SPANXN3: variants seen among roughly 807,000 people sequenced by gnomAD.
The protein encoded by SPANXN3 is SPANX family member N3.
In SPANXN3, 1 loss-of-function variant was observed where a neutral mutation model predicts 1.9. That is an observed-to-expected ratio of 0.54 (90% CI 0.19 to 2.54). The LOEUF (loss-of-function observed/expected upper bound fraction) is 2.54. Ranked by LOEUF, SPANXN3 falls within the 30% of genes most tolerant of loss-of-function variation. The probability of loss-of-function intolerance (pLI) is 0.24; values close to 1 mark genes in which losing one functional copy is unlikely to be tolerated. For missense variants in SPANXN3, 113 were observed against 96.2 expected (o/e 1.17, Z -0.73); for synonymous variants, 47 against 40.0 (o/e 1.17, Z -0.66).
chrX:143,517,361 C>T lies in SPANXN3; in HGVS notation c.31G>A (p.Glu11Lys), dbSNP rs142678625. The T allele has an allele frequency of 2.6e-4, 314 of 1,209,662 alleles. No homozygotes were observed. The highest frequency in any genetic ancestry group is 3.4e-4 in the Non-Finnish European group (307 of 895,069). Residue 11 changes from glutamate to lysine, a missense_variant, in exon 1 of 2, where the codon GAG (glutamate) becomes AAG (lysine). Physicochemically the swap from Glu to Lys is moderately conservative, Grantham distance 56. Transcript: ENST00000370503. MEQPTSSTNGEKTKSPCESNN... is the reference protein window; with the variant it reads MEQPTSSTNGKKTKSPCESNN... ...GATTCACAGGGGCTCTTCGTCTTCT[C>T]CCCATTGGTGCTGGAAGTTGGCTGT...
In SPANXN3 at chrX:143,509,271, T is replaced by C. The variant is rs782715860; in HGVS notation, c.79-109A>G. ...GAAGGAATGCAGGTGGAGGAAGGGG[T>C]GTGTGCCAGAGAAGAACAAGGTGAA... On this transcript the variant is annotated intron_variant, in intron 1 of 1. Coordinates refer to ENST00000370503, the MANE Select transcript of SPANXN3 (RefSeq NM_001009609.4). The C allele has an allele frequency of 1.3e-3, 806 of 621,225 alleles. 5 individuals are homozygous for C. The highest frequency in any genetic ancestry group is 1.0e-3 in the Non-Finnish European group (399 of 390,269). The allele number at this position is 621,225 out of a possible 1,213,427, so 51.2% of individuals were successfully genotyped here.
At chrX:143,513,589 A>G (rs1461501211) in intron 1 of SPANXN3, among the ~76,000 whole-genome samples, 2 of 111,490 alleles carry the variant, frequency 1.8e-5, no homozygotes, top group African/African-American at 3.3e-5. Flanking sequence ...TATAACAGGT[A>G]CATGCCTTAT....
chrX:143,511,006 A>G (rs1198884634), intron 1 of SPANXN3, among the ~76,000 whole-genome samples: 3 of 112,146 alleles, frequency 2.7e-5, no homozygotes, highest in Admixed American at 1.9e-4. Flanking sequence ...CAAGTTCCCT[A>G]GCTGACTTCT....
At chrX:143,510,854 A>C in intron 1 of SPANXN3, among the ~76,000 whole-genome samples, 2 of 103,210 alleles carry the variant, frequency 1.9e-5, no homozygotes, top group Admixed American at 1.0e-4. Flanking sequence ...CCTTACTGTC[A>C]CCCTCCATCC....
At position 143,511,953 on chromosome X, in the gene SPANXN3, C is replaced by T. The variant is rs782160541; in HGVS notation, c.79-2791G>A. 9.9e-5 allele frequency among the ~76,000 whole-genome samples: 11 copies of T among 111,457 alleles called. No individual in the cohort carries two copies. In the East Asian group the frequency reaches 1.4e-3, roughly 14 times the overall value. On this transcript the variant is annotated intron_variant, in intron 1 of 1. Transcript: ENST00000370503. ...TGTCTTTCCTATTGGATACTCAATA[C>T]GACAACTAGTTACTCGGTTTTACCA...
chrX:143,510,844 C>G (rs1368086660), intron 1 of SPANXN3, among the ~76,000 whole-genome samples: 2 of 109,860 alleles, frequency 1.8e-5, no homozygotes, highest in East Asian at 2.9e-4. Flanking sequence ...TCCTCCACCC[C>G]CTTACTGTCA....
Position 143,517,396 on chromosome X carries a change from C to T in SPANXN3, c.-5G>A, listed in dbSNP as rs1182743145. On this transcript the variant is annotated 5_prime_UTR_variant, in exon 1 of 2. Transcript: ENST00000370503. ...GCTGGAAGTTGGCTGTTCCATGATTCTGGTTGGTTGTAGAATGTCTATAGT... is the reference window on the plus strand; with the variant it reads ...GCTGGAAGTTGGCTGTTCCATGATTTTGGTTGGTTGTAGAATGTCTATAGT... 2.5e-6 allele frequency: 3 copies of T among 1,209,140 alleles called. No homozygotes were observed. The African/African-American group carries it at 5.3e-5, about 21-fold the overall frequency.
intron 1 of SPANXN3, among the ~76,000 whole-genome samples, chrX:143,514,258 G>A (rs1371962422): frequency 8.1e-5 from 9 of 111,410 alleles, no homozygotes; most frequent in Admixed American, 7.6e-4. Flanking sequence ...CCACTTGCCC[G>A]GGCTGGTGCC....
rs1929031031 is a variant in SPANXN3, at chrX:143,509,131, G to A, written c.110C>T (p.Pro37Leu). ...TTTTGTGTTCTTCAAACTCTGTTCG[G>A]GGGCTAAGACTCTGTTTGGTACCTC... ...MQEVPNRVLA[P>L]EQSLKNTKTS... is the part of the protein sequence containing the mutation. The change falls in exon 2 of 2, where the codon CCC becomes CTC. Residue 37 changes from proline to leucine, a missense_variant. Coordinates refer to ENST00000370503, the MANE Select transcript of SPANXN3 (RefSeq NM_001009609.4). 4.1e-6 allele frequency: 5 copies of A among 1,210,137 alleles called. No homozygotes were observed. In the African/African-American group the frequency reaches 6.9e-5, roughly 17 times the overall value.
chrX:143,515,032 G>A (rs181212641), intron 1 of SPANXN3, among the ~76,000 whole-genome samples: 8 of 110,153 alleles, frequency 7.3e-5, no homozygotes, highest in Non-Finnish European at 1.1e-4. Flanking sequence ...CTTGGCCGGC[G>A]TTACACCTCA....
chrX:143,511,694 T>A (rs1177005222), intron 1 of SPANXN3, among the ~76,000 whole-genome samples: 1 of 111,837 alleles, frequency 8.9e-6, no homozygotes, highest in Non-Finnish European at 1.9e-5. Flanking sequence ...GAGCCTGTTA[T>A]AAGTGCATCC....
chrX:143,516,016 C>T (rs1929207988), intron 1 of SPANXN3, among the ~76,000 whole-genome samples: 1 of 111,306 alleles, frequency 9.0e-6, no homozygotes. Context: ...CAAGGGCGCT[C>T]GCTGGAAAAC....
intron 1 of SPANXN3, among the ~76,000 whole-genome samples, chrX:143,513,596 T>G (rs1162714033): frequency 9.0e-6 from 1 of 111,375 alleles, no homozygotes; most frequent in Non-Finnish European, 1.9e-5. Context: ...GGTACATGCC[T>G]TATTCCTAGG....
chrX:143,514,586 A>G (rs184587367), intron 1 of SPANXN3, among the ~76,000 whole-genome samples: 5 of 111,276 alleles, frequency 4.5e-5, no homozygotes, highest in African/African-American at 1.6e-4. Flanking sequence ...TGATTCCTAT[A>G]CCTTCTGACA....
chrX:143,513,066 C>T (rs782497061), intron 1 of SPANXN3, among the ~76,000 whole-genome samples: 11 of 109,972 alleles, frequency 1.0e-4, no homozygotes, highest in Non-Finnish European at 1.7e-4. Flanking sequence ...TAATTTGGGA[C>T]ATGCCCTTTC....
chrX:143,510,831 G>A lies in SPANXN3; in HGVS notation c.79-1669C>T, dbSNP rs189257645. On this transcript the variant is annotated intron_variant, in intron 1 of 1. Transcript: ENST00000370503. ...TCCCTCCACCTTCTCCTTCGGATCC[G>A]GCTCCTCCACCCCCTTACTGTCACC... is the stretch of plus-strand genomic sequence containing the variant. 1.0e-4 allele frequency among the ~76,000 whole-genome samples: 11 copies of A among 108,955 alleles called. No homozygotes were observed. In the East Asian group the frequency reaches 2.4e-3, roughly 24 times the overall value. 94.6% of individuals were successfully genotyped at this position (108,955 alleles called of 115,157 possible).
chrX:143,512,532 T>G (rs1929117430), intron 1 of SPANXN3, among the ~76,000 whole-genome samples: 1 of 111,470 alleles, frequency 9.0e-6, no homozygotes, highest in Non-Finnish European at 1.9e-5. Context: ...GATCTCCAAG[T>G]TGTTGACCAG....
chrX:143,517,256 C>A, intron 1 of SPANXN3, 58 bp downstream of exon 1: 1 of 1,168,915 alleles, frequency 8.6e-7, no homozygotes, highest in South Asian at 1.8e-5. Context: ...TTGAGCCACC[C>A]CCTCTCTGTG....
chrX:143,514,235 G>C (rs1214996597), intron 1 of SPANXN3, among the ~76,000 whole-genome samples: 1 of 111,956 alleles, frequency 8.9e-6, no homozygotes, highest in East Asian at 2.8e-4. Flanking sequence ...TATATACCCA[G>C]AAGGAATGAA....
Sources: allele counts gnomAD v4.1 joint callset (sites outside exome capture counted in the v4.1 genomes callset), GRCh38; gene constraint gnomAD v4.1.1; transcripts MANE v1.5; gene names NCBI Gene and HGNC (gene_info 2026-07-23, HGNC 2026-07-21).